Variants in RAPGEF1 observed in about 807,000 individuals in gnomAD.
The protein encoded by RAPGEF1 is CRK SH3-binding GNRP.
A neutral mutation model predicts 143.3 loss-of-function variants in RAPGEF1; 33 were observed. That is an observed-to-expected ratio of 0.23 (90% CI 0.17 to 0.31). The LOEUF (loss-of-function observed/expected upper bound fraction) is 0.31. RAPGEF1 is among the 10% of genes least tolerant of loss of function. The pLI is 1.00. For missense variants in RAPGEF1, 1,199 were observed against 1,645.4 expected (o/e 0.73, Z 4.69); for synonymous variants, 629 against 676.5 (o/e 0.93, Z 1.09).
chr9:131,724,333 C>G (rs567291551), intron 1 of RAPGEF1, among the ~76,000 whole-genome samples: 1 of 152,220 alleles, frequency 6.6e-6, no homozygotes, highest in Admixed American at 6.5e-5. Flanking sequence ...CGGTGGCTCA[C>G]GCCTGTAATC....
chr9:131,723,547 T>C (rs1230830825), intron 1 of RAPGEF1, among the ~76,000 whole-genome samples: 1 of 152,252 alleles, frequency 6.6e-6, no homozygotes, highest in Non-Finnish European at 1.5e-5. Context: ...TTTTTGTGAC[T>C]AGCTTATTTT....
intron 18 of RAPGEF1, among the ~76,000 whole-genome samples, chr9:131,590,830 G>A (rs757857977): frequency 1.3e-5 from 2 of 152,234 alleles, no homozygotes; most frequent in Admixed American, 1.3e-4. Flanking sequence ...GAGCCTGGGC[G>A]CAGGCAGCAG....
intron 5 of RAPGEF1, among the ~76,000 whole-genome samples, chr9:131,635,995 A>G (rs1354949392): frequency 6.6e-6 from 1 of 152,240 alleles, no homozygotes; most frequent in East Asian, 1.9e-4. Context: ...TAATGACTCC[A>G]GCATGAAAAG....
chr9:131,628,455 G>A lies in RAPGEF1; in HGVS notation c.1017+94C>T, dbSNP rs1175352076. 1 of 1,508,984 alleles carries A rather than the reference G, an allele frequency of 6.6e-7. No homozygotes were observed. Among genetic ancestry groups the A allele is most frequent in the South Asian group, 1.2e-5 (1 of 83,120 alleles). 93.5% of individuals were successfully genotyped at this position (1,508,984 alleles called of 1,614,324 possible). A position where few individuals can be genotyped will look rare whatever the true frequency, so the allele number is the denominator to read the frequency against. On this transcript the variant is annotated intron_variant, in intron 8 of 26. Coordinates refer to ENST00000683357, the MANE Select transcript of RAPGEF1 (RefSeq NM_001377935.1). The surrounding 1 kb of genome is among the most constrained non-coding windows in gnomAD (Gnocchi z 5.7). ...CTCGATGTGACAAACACCAGCGCCT[G>A]AAGACCATGGGTTTCTTTCAGCTTC...
intron 1 of RAPGEF1, among the ~76,000 whole-genome samples, chr9:131,704,742 GA>G (rs1018085616): frequency 1.3e-4 from 19 of 151,940 alleles, no homozygotes; most frequent in African/African-American, 3.9e-4. Context: ...GAAAGAGAGG[GA>G]AAAAAAGAGA....
intron 1 of RAPGEF1, among the ~76,000 whole-genome samples, chr9:131,711,678 T>C (rs1477530784): frequency 6.6e-6 from 1 of 152,208 alleles, no homozygotes; most frequent in Non-Finnish European, 1.5e-5. Context: ...TTTATAATTG[T>C]AGACGGAAAA....
chr9:131,647,854 A>T (rs1970053470), intron 3 of RAPGEF1, among the ~76,000 whole-genome samples: 1 of 152,114 alleles, frequency 6.6e-6, no homozygotes, highest in Non-Finnish European at 1.5e-5. Context: ...CACTACTGAC[A>T]TTTTGGGGCA....
Position 131,627,958 on chromosome 9 carries a change from T to C in RAPGEF1, c.1156A>G (p.Arg386Gly). 6.3e-7 allele frequency: 1 copy of C among 1,590,768 alleles called. No homozygotes were observed. Among genetic ancestry groups the C allele is most frequent in the Non-Finnish European group, 8.6e-7 (1 of 1,168,510 alleles). The change falls in exon 9 of 27, where the codon AGG becomes GGG. Residue 386 changes from arginine (R) to glycine (G), a missense_variant. Physicochemically the swap from Arg to Gly is moderately radical, Grantham distance 125 (BLOSUM62 -2). This residue lies in a region of RAPGEF1 where 613 missense variants were observed against 710.9 expected (regional missense o/e 0.86). Coordinates refer to ENST00000683357, the MANE Select transcript of RAPGEF1 (RefSeq NM_001377935.1). ...TTCCGGGAGCACTGCCCACTGTCCC[T>C]GTCCAGAGAGGACAGCTGCTCGTCT... The part of the protein sequence containing the change: ...KSDEQLSSLD[R>G]DSGQCSRNTS...
At chr9:131,709,064 T>C (rs1030056281) in intron 1 of RAPGEF1, among the ~76,000 whole-genome samples, 1 of 152,160 alleles carries the variant, frequency 6.6e-6, no homozygotes, top group African/African-American at 2.4e-5. Flanking sequence ...AGTAAAAATG[T>C]TCAGCCAGGC....
chr9:131,678,288 G>T (rs1352635833), intron 1 of RAPGEF1, among the ~76,000 whole-genome samples: 1 of 152,136 alleles, frequency 6.6e-6, no homozygotes, highest in Admixed American at 6.5e-5. Context: ...TCCATTAAAA[G>T]AAAGTAAATA....
chr9:131,704,941 CT>C (rs1377521696), intron 1 of RAPGEF1, among the ~76,000 whole-genome samples: 2 of 152,132 alleles, frequency 1.3e-5, no homozygotes, highest in Admixed American at 1.3e-4. Flanking sequence ...TTAGGAGGGG[CT>C]TTTGTGAAGT....
chr9:131,606,348 C>A (rs903173176), intron 12 of RAPGEF1, among the ~76,000 whole-genome samples: 1 of 152,184 alleles, frequency 6.6e-6, no homozygotes, highest in African/African-American at 2.4e-5. Context: ...CATGCTGCTA[C>A]CATCATGGGG....
chr9:131,728,910 ACT>A (rs1836843884), intron 1 of RAPGEF1, among the ~76,000 whole-genome samples: 1 of 152,222 alleles, frequency 6.6e-6, no homozygotes, highest in East Asian at 1.9e-4. Context: ...TAAGGTAGGT[ACT>A]GTTAGGATTT....
intron 25 of RAPGEF1, 108 bp downstream of exon 25, chr9:131,582,497 T>C: frequency 1.2e-6 from 1 of 810,090 alleles, no homozygotes; most frequent in East Asian, 3.0e-5. Context: ...AATGTCTCCG[T>C]TAGAAACCCC....
chr9:131,651,290 T>C (rs907212451), intron 1 of RAPGEF1, among the ~76,000 whole-genome samples: 1 of 152,176 alleles, frequency 6.6e-6, no homozygotes, highest in African/African-American at 2.4e-5. Context: ...AAATCACAGA[T>C]GTGTAGGATG....
intron 18 of RAPGEF1, 98 bp downstream of exon 18, chr9:131,592,001 C>T: frequency 1.1e-6 from 1 of 924,914 alleles, no homozygotes; most frequent in Non-Finnish European, 1.7e-6. Flanking sequence ...ACCCAATATG[C>T]TGCTCGGCTT....
intron 1 of RAPGEF1, among the ~76,000 whole-genome samples, chr9:131,732,836 G>A (rs1195939513): frequency 2.0e-5 from 3 of 152,192 alleles, no homozygotes; most frequent in Admixed American, 6.5e-5. Context: ...TCAAGGCACC[G>A]TAATGGCACC....
rs368498699 is a variant in RAPGEF1 at position 131,590,116 on chromosome 9, G to A, written c.2775-138C>T. On this transcript the variant is annotated intron_variant, in intron 18 of 26. Transcript: ENST00000683357. ...GTAAAGCACTGGCATCCAGAAACGA[G>A]GGCACGGGACTAGCGCAGTGGAACA... 1.4e-4 allele frequency: 106 copies of A among 749,458 alleles called. 2 individuals carry two copies. The South Asian group carries it at 1.5e-3, about 10-fold the overall frequency. 46.4% of individuals were successfully genotyped at this position (749,458 alleles called of 1,614,324 possible).
At position 131,584,510 on chromosome 9, in the gene RAPGEF1, A is replaced by G. The variant is rs1473431005; in HGVS notation, c.3312+8T>C. 2 of 1,613,756 alleles carry G rather than the reference A, an allele frequency of 1.2e-6. No individual in the cohort carries two copies. Among genetic ancestry groups the G allele is most frequent in the African/African-American group, 2.7e-5 (2 of 74,910 alleles). On this transcript the variant is annotated splice_region_variant and intron_variant, in intron 23 of 26. Coordinates refer to ENST00000683357, the MANE Select transcript of RAPGEF1 (RefSeq NM_001377935.1). This position sits in a 1 kb window ranked among gnomAD's most constrained non-coding sequence, Gnocchi z 6.8. The stretch of plus-strand genomic sequence containing the variant: ...ATGGGGGCCTGGGAAGGACTTGGCC[A>G]CCATTACCTTCATGATCTTGATGAA...
Sources: allele counts gnomAD v4.1 joint callset (sites outside exome capture counted in the v4.1 genomes callset), GRCh38; gene constraint gnomAD v4.1.1; regional missense constraint gnomAD v4.1.1; non-coding constraint Gnocchi (gnomAD v3.1); transcripts MANE v1.5; gene names NCBI Gene and HGNC (gene_info 2026-07-23, HGNC 2026-07-21).